CXADR: variants seen among roughly 807,000 people sequenced by gnomAD.
CXADR encodes the protein coxsackievirus and adenovirus receptor.
Under a neutral mutation model 40.3 loss-of-function variants are expected in CXADR, and 20 were observed. The ratio of observed to expected loss-of-function variants is 0.50; its 90% CI spans 0.35 to 0.72. CXADR has a LOEUF of 0.72. CXADR is among the 30% of genes least tolerant of loss of function. The pLI, the probability that CXADR is intolerant of heterozygous loss-of-function variation, is 0.01. For missense variants in CXADR, 332 were observed against 449.1 expected (o/e 0.74, Z 2.36); for synonymous variants, 150 against 161.3 (o/e 0.93, Z 0.53).
chr21:17,598,194 A>C (rs2123435240), downstream of CXADR, among the ~76,000 whole-genome samples: 1 of 152,262 alleles, frequency 6.6e-6, no homozygotes, highest in Admixed American at 6.5e-5. Context: ...AGCTTGAGTA[A>C]AATATTAATT....
At position 17,537,055 on chromosome 21, in the gene CXADR, A is replaced by G. The variant is rs137902527; in HGVS notation, c.44-9972A>G. On this transcript the variant is annotated intron_variant, in intron 1 of 6. Coordinates refer to ENST00000284878, the MANE Select transcript of CXADR (RefSeq NM_001338.5). ...TTACAGGCATGAGCCACCATGCCCA[A>G]CCTAAAATGTATTTTGATAAATGAC... Among the ~76,000 whole-genome samples the G allele has an allele frequency of 6.7e-3, 1,025 of 152,274 alleles. 13 individuals are homozygous for G. The highest frequency in any genetic ancestry group is 0.024 in the African/African-American group (982 of 41,556).
chr21:17,606,310 A>G, the CXADR span, among the ~76,000 whole-genome samples: 1 of 152,278 alleles, frequency 6.6e-6, no homozygotes, highest in Non-Finnish European at 1.5e-5. Context: ...CCAGGCCACT[A>G]GACTCCAAAG....
rs140370958 is a variant in CXADR, at chr21:17,537,722, A to C, written c.44-9305A>C. On this transcript the variant is annotated intron_variant, in intron 1 of 6. Transcript: ENST00000284878. ...ATAGAAAAAAGAAAACCTTCATTCA[A>C]CAAATATTTGTTGAATGCCAAGTGC... 6.7e-3 allele frequency among the ~76,000 whole-genome samples: 1,020 copies of C among 152,240 alleles called. 13 individuals carry two copies. Among genetic ancestry groups the C allele is most frequent in the African/African-American group, 0.024 (977 of 41,540 alleles).
chr21:17,563,055 T>G (rs1428542902), intron 6 of CXADR, among the ~76,000 whole-genome samples: 1 of 152,252 alleles, frequency 6.6e-6, no homozygotes, highest in African/African-American at 2.4e-5. Flanking sequence ...TGACTTTACT[T>G]TAAGAACTTT....
chr21:17,635,539 T>C, the CXADR span, among the ~76,000 whole-genome samples: 2 of 152,144 alleles, frequency 1.3e-5, no homozygotes, highest in Non-Finnish European at 2.9e-5. Flanking sequence ...GTGGAATCAC[T>C]TGGGCACTGC....
At chr21:17,527,869 C>G (rs1156293969) in intron 1 of CXADR, among the ~76,000 whole-genome samples, 1 of 147,880 alleles carries the variant, frequency 6.8e-6, no homozygotes, top group Non-Finnish European at 1.5e-5. Context: ...TGGAATGCAG[C>G]CTGCTTCTCC....
intron 1 of CXADR, among the ~76,000 whole-genome samples, chr21:17,534,079 C>CATATATAT (rs1569091728): frequency 2.6e-5 from 2 of 77,390 alleles, no homozygotes; most frequent in Admixed American, 1.3e-4. Context: ...TACACACACA[C>CATATATAT]ACATATATAT....
intron 7 of CXADR, among the ~76,000 whole-genome samples, chr21:17,592,096 T>TGTCA (rs1385401570): frequency 6.6e-6 from 1 of 152,004 alleles, no homozygotes; most frequent in East Asian, 1.9e-4. Flanking sequence ...CAAGAGGCCC[T>TGTCA]GTCATTTAAT....
chr21:17,614,725 A>G, the CXADR span, among the ~76,000 whole-genome samples: 124 of 152,330 alleles, frequency 8.1e-4, no homozygotes, highest in Non-Finnish European at 1.5e-3. Context: ...CCTGGGTGAC[A>G]GAGCAAGACT....
At chr21:17,514,414 G>C (rs1196278543) in intron 1 of CXADR, among the ~76,000 whole-genome samples, 2 of 151,964 alleles carry the variant, frequency 1.3e-5, no homozygotes, top group Admixed American at 6.6e-5. Context: ...TTTAGACTTG[G>C]CGGGCTGAAA....
At chr21:17,633,423 T>C in the CXADR span, among the ~76,000 whole-genome samples, 2 of 151,892 alleles carry the variant, frequency 1.3e-5, no homozygotes, top group South Asian at 4.1e-4. Flanking sequence ...GCTGGGTGAG[T>C]TGGTGCACAT....
chr21:17,556,686 G>A (rs537289260), intron 3 of CXADR, among the ~76,000 whole-genome samples: 2 of 152,318 alleles, frequency 1.3e-5, no homozygotes, highest in Non-Finnish European at 2.9e-5. Context: ...TCCAATTGAT[G>A]TAGTCTCCAG....
At chr21:17,612,270 G>A in the CXADR span, 1 of 152,242 alleles carries the variant, frequency 6.6e-6, no homozygotes, top group Non-Finnish European at 1.5e-5. Flanking sequence ...TGTCCCCGGC[G>A]GGCGGCCCTG....
At chr21:17,537,373 C>T (rs1393609588) in intron 1 of CXADR, among the ~76,000 whole-genome samples, 2 of 152,218 alleles carry the variant, frequency 1.3e-5, no homozygotes, top group African/African-American at 4.8e-5. Flanking sequence ...CATTGTTTTG[C>T]CTGCCACTTC....
rs1040179896 is a variant in CXADR at position 17,592,769 on chromosome 21, A to T, written c.1018-383A>T. ...TTCAGGAAAAGAGTAGATATGGTTT[A>T]GAGAGATGTTAAAATTGTGTATGGC... On this transcript the variant is annotated intron_variant, in intron 7 of 7. Transcript: ENST00000400169. 7.2e-5 allele frequency among the ~76,000 whole-genome samples: 11 copies of T among 151,936 alleles called. No homozygotes were observed. The East Asian group carries it at 1.9e-3, about 27-fold the overall frequency.
At chr21:17,537,496 ATTATGCAG>A (rs1167878241) in intron 1 of CXADR, among the ~76,000 whole-genome samples, 3 of 152,258 alleles carry the variant, frequency 2.0e-5, no homozygotes, top group Admixed American at 2.0e-4. Flanking sequence ...GTCAAGACAG[ATTATGCAG>A]TTATGCAGTT....
intron 2 of CXADR, among the ~76,000 whole-genome samples, chr21:17,547,498 C>T (rs940907036): frequency 1.1e-4 from 16 of 152,116 alleles, no homozygotes; most frequent in East Asian, 5.8e-4. Flanking sequence ...GGATTTGAGG[C>T]GGGGAATAGC....
intron 1 of CXADR, among the ~76,000 whole-genome samples, chr21:17,525,649 C>G (rs897845482): frequency 6.6e-6 from 1 of 152,218 alleles, no homozygotes; most frequent in Non-Finnish European, 1.5e-5. Flanking sequence ...TGAGAAGACT[C>G]TTAACTTACT....
chr21:17,519,071 C>T (rs2060496422), intron 1 of CXADR: 3 of 964,180 alleles, frequency 3.1e-6, no homozygotes, highest in Admixed American at 1.9e-5. Context: ...CCGATATGCC[C>T]CCTCTTAATC....
Sources: allele counts gnomAD v4.1 joint callset (sites outside exome capture counted in the v4.1 genomes callset), GRCh38; gene constraint gnomAD v4.1.1; transcripts MANE v1.5; gene names NCBI Gene and HGNC (gene_info 2026-07-23, HGNC 2026-07-21).